SLC2A14: variants seen among roughly 807,000 people sequenced by gnomAD.
SLC2A14 encodes the protein solute carrier family 2, facilitated glucose transporter member 14.
A neutral mutation model predicts 43.0 loss-of-function variants in SLC2A14; 13 were observed. The ratio of observed to expected loss-of-function variants is 0.30; its 90% confidence interval spans 0.20 to 0.48. SLC2A14 has a LOEUF of 0.48. SLC2A14 is among the 20% of genes least tolerant of loss of function. The pLI, the probability that SLC2A14 is intolerant of heterozygous loss-of-function variation, is 0.99. For synonymous variants in SLC2A14, 190 were observed against 233.8 expected (o/e 0.81, Z 1.71); for missense variants, 428 against 620.4 (o/e 0.69, Z 3.29).
At chr12:7,877,029 A>T (rs191143606), upstream of SLC2A14, among the ~76,000 whole-genome samples, 39 of 135,444 alleles carry the variant, frequency 2.9e-4, no homozygotes, top group African/African-American at 1.0e-3. Context: ...TTTGATATGG[A>T]GTCTCGCTCT....
chr12:7,828,029 T>C (rs1864645935), intron 6 of SLC2A14, among the ~76,000 whole-genome samples: 1 of 151,822 alleles, frequency 6.6e-6, no homozygotes, highest in East Asian at 1.9e-4. Flanking sequence ...CTTTTATTCC[T>C]TTACTTTCTT....
At chr12:7,874,912 T>C (rs1414198315), upstream of SLC2A14, among the ~76,000 whole-genome samples, 2 of 95,780 alleles carry the variant, frequency 2.1e-5, no homozygotes, top group African/African-American at 9.6e-5. Context: ...TATAAATACA[T>C]ATATAAATAT....
At position 7,831,656 on chromosome 12, in the gene SLC2A14, C is replaced by G; in HGVS notation, c.220G>C (p.Gly74Arg). ...WSLSVAIFSV[G>R]GMIGSFSVGL... ...ACGGAAAAGGAGCCGATCATACCCCCGACGGAAAATATGGCCACAGACAAG... is the reference window on the plus strand; with the variant it reads ...ACGGAAAAGGAGCCGATCATACCCCGGACGGAAAATATGGCCACAGACAAG... The change falls in exon 4 of 11, where the codon GGG (glycine) becomes CGG (arginine). Residue 74 changes from glycine (G) to arginine (R), a missense_variant. Gly to Arg is a moderately radical substitution (Grantham distance 125). Coordinates refer to ENST00000431042, the MANE Select transcript of SLC2A14 (RefSeq NM_001286234.2). 3 of 1,614,206 alleles carry G rather than the reference C, an allele frequency of 1.9e-6. No homozygotes were observed. Among genetic ancestry groups the G allele is most frequent in the African/African-American group, 1.3e-5 (1 of 75,026 alleles).
At chr12:7,839,842 G>C in intron 2 of SLC2A14, 1 of 447,146 alleles carries the variant, frequency 2.2e-6, no homozygotes, top group Admixed American at 2.4e-5. Flanking sequence ...TGGAGGTCAA[G>C]GCGGGAGGAT....
intron 7 of SLC2A14, among the ~76,000 whole-genome samples, chr12:7,826,154 G>A (rs983517667): frequency 6.6e-6 from 1 of 151,826 alleles, no homozygotes; most frequent in African/African-American, 2.4e-5. Context: ...TTCCAAATGA[G>A]GAAATTTGAG....
chr12:7,866,128 GGCAGGAGAATC>G (rs1944893577), intron 2 of SLC2A14, among the ~76,000 whole-genome samples: 1 of 151,416 alleles, frequency 6.6e-6, no homozygotes, highest in Admixed American at 6.6e-5. Context: ...AGGAGGCTGT[GGCAGGAGAATC>G]GCTGGAACCC....
At chr12:7,853,947 C>T (rs1409312587) in intron 2 of SLC2A14, among the ~76,000 whole-genome samples, 1 of 152,274 alleles carries the variant, frequency 6.6e-6, no homozygotes, top group Non-Finnish European at 1.5e-5. Flanking sequence ...TTTATAGTCA[C>T]CTTAGTGTAA....
chr12:7,823,098 G>A lies in SLC2A14; in HGVS notation c.865-1773C>T, dbSNP rs112804853. Among the ~76,000 whole-genome samples, 979 of 152,244 alleles carry A rather than the reference G, an allele frequency of 6.4e-3. 12 individuals carry two copies. Among genetic ancestry groups the A allele is most frequent in the Middle Eastern group, 0.031 (9 of 294 alleles). ...AGGCACTGCGCTAAAATGTAAGGTTGCTGGCCGAGCACAGTGGTTCATTCC... is the reference window on the plus strand; with the variant it reads ...AGGCACTGCGCTAAAATGTAAGGTTACTGGCCGAGCACAGTGGTTCATTCC... On this transcript the variant is annotated intron_variant, in intron 7 of 10. Transcript: ENST00000431042.
chr12:7,827,270 CT>C (rs71038780), intron 7 of SLC2A14, among the ~76,000 whole-genome samples: 34,399 of 99,122 alleles, frequency 0.35, 6,002 homozygotes, highest in South Asian at 0.44. Context: ...TAATTTTTGT[CT>C]TTTTTTTTTT....
chr12:7,838,690 T>C (rs1865663903), intron 2 of SLC2A14, among the ~76,000 whole-genome samples: 1 of 152,228 alleles, frequency 6.6e-6, no homozygotes, highest in South Asian at 2.1e-4. Flanking sequence ...CTTTAGGGCC[T>C]ACAGGGATAG....
At chr12:7,871,147 G>T (rs953468819) in intron 1 of SLC2A14, 8 of 1,305,626 alleles carry the variant, frequency 6.1e-6, no homozygotes, top group Non-Finnish European at 8.0e-6. Flanking sequence ...GAATGGAACA[G>T]ACCCCCAGGA....
chr12:7,884,153 C>T (rs975622140), intron 1 of SLC2A14, among the ~76,000 whole-genome samples: 1 of 151,992 alleles, frequency 6.6e-6, no homozygotes, highest in African/African-American at 2.4e-5. Flanking sequence ...TTGATCTGAC[C>T]TCGTGATCTG....
At chr12:7,866,691 G>A (rs1244161253) in intron 2 of SLC2A14, among the ~76,000 whole-genome samples, 3 of 152,280 alleles carry the variant, frequency 2.0e-5, no homozygotes, top group South Asian at 2.1e-4. Flanking sequence ...TATGAAGGCT[G>A]AGAAAGGTGA....
intron 2 of SLC2A14, among the ~76,000 whole-genome samples, chr12:7,847,880 T>G (rs1866592914): frequency 6.6e-6 from 1 of 152,060 alleles, no homozygotes; most frequent in African/African-American, 2.4e-5. Context: ...AAAGAGGAAC[T>G]ACACAGGTGA....
intron 2 of SLC2A14, among the ~76,000 whole-genome samples, chr12:7,838,189 G>C (rs758583946): frequency 3.3e-5 from 5 of 151,880 alleles, no homozygotes; most frequent in African/African-American, 4.8e-5. Flanking sequence ...CCACGTTCAA[G>C]TGATTCTCCT....
At chr12:7,863,909 G>A (rs1046924906) in intron 2 of SLC2A14, among the ~76,000 whole-genome samples, 4 of 151,364 alleles carry the variant, frequency 2.6e-5, no homozygotes, top group African/African-American at 9.7e-5. Context: ...TCCACCACCC[G>A]GGTTCAAGCG....
intron 2 of SLC2A14, among the ~76,000 whole-genome samples, chr12:7,854,036 G>A (rs1230465804): frequency 6.6e-6 from 1 of 151,980 alleles, no homozygotes; most frequent in Non-Finnish European, 1.5e-5. Flanking sequence ...TTTCAATGAT[G>A]GCTTTCCCCC....
chr12:7,832,592 C>T, intron 3 of SLC2A14, 130 bp downstream of exon 3: 1 of 951,534 alleles, frequency 1.1e-6, no homozygotes, highest in East Asian at 2.5e-5. Flanking sequence ...CTTTAAGCCT[C>T]AGCCTCCGGA....
intron 2 of SLC2A14, among the ~76,000 whole-genome samples, chr12:7,838,526 A>T (rs1371551185): frequency 6.6e-6 from 1 of 152,144 alleles, no homozygotes; most frequent in Non-Finnish European, 1.5e-5. Context: ...CCACAATTAT[A>T]TTATGAAAGC....
Sources: allele counts gnomAD v4.1 joint callset (sites outside exome capture counted in the v4.1 genomes callset), GRCh38; gene constraint gnomAD v4.1.1; transcripts MANE v1.5; gene names NCBI Gene and HGNC (gene_info 2026-07-23, HGNC 2026-07-21).